The following DNAJC5B variants were observed in gnomAD, a reference collection of about 807,000 sequenced individuals.
DNAJC5B encodes dnaJ homolog subfamily C member 5B.
DNAJC5B carries 23 observed loss-of-function variants against 24.7 expected under a neutral mutation model. The observed-to-expected ratio is 0.93, with a 90% CI of 0.67 to 1.32. The LOEUF (loss-of-function observed/expected upper bound fraction) is 1.32, where lower values mean the gene tolerates loss of function less well. DNAJC5B is among the 40% of genes most tolerant of loss of function. The pLI, the probability that DNAJC5B is intolerant of heterozygous loss-of-function variation, is 0.00. For synonymous variants in DNAJC5B, 101 were observed against 90.1 expected, an observed-to-expected ratio of 1.12 and a Z score of -0.68; for missense variants, 238 against 240.8, an observed-to-expected ratio of 0.99 and a Z score of 0.08.
At chr8:66,050,692 C>T (rs898001716) in intron 2 of DNAJC5B, among the ~76,000 whole-genome samples, 2 of 152,176 alleles carry the variant, frequency 1.3e-5, no homozygotes, top group African/African-American at 2.4e-5. Flanking sequence ...AAAAGCTAAA[C>T]GGCTAATAGG....
Position 66,033,997 on chromosome 8 carries a change from C to A in DNAJC5B, c.-141-9491C>A, listed in dbSNP as rs998204225. ...AGAATTGGGAGACCCATGTTCCTAC[C>A]CTTGCTCCGTTAATAACTGTCTGAT... On this transcript the variant is annotated intron_variant, in intron 1 of 5. Coordinates refer to ENST00000276570, the MANE Select transcript of DNAJC5B (RefSeq NM_033105.6). 2.0e-4 allele frequency among the ~76,000 whole-genome samples: 30 copies of A among 152,064 alleles called. No individual in the cohort carries two copies. In the East Asian group the frequency reaches 5.0e-3, roughly 25 times the overall value.
chr8:66,082,342 C>T (rs1807614660), intron 5 of DNAJC5B, among the ~76,000 whole-genome samples: 1 of 152,048 alleles, frequency 6.6e-6, no homozygotes, highest in Admixed American at 6.5e-5. Context: ...ACCTAGATAT[C>T]CCCAATCCAG....
chr8:66,096,924 C>T (rs1040392988), intron 5 of DNAJC5B, among the ~76,000 whole-genome samples: 1 of 152,096 alleles, frequency 6.6e-6, no homozygotes, highest in African/African-American at 2.4e-5. Flanking sequence ...AGAGAACAGA[C>T]CTCTGAGAAA....
intron 5 of DNAJC5B, among the ~76,000 whole-genome samples, chr8:66,090,187 A>G (rs974120116): frequency 6.6e-6 from 1 of 151,906 alleles, no homozygotes; most frequent in Non-Finnish European, 1.5e-5. Context: ...TTTACAGACC[A>G]TCTTGAGAGA....
rs765749597 is a variant in DNAJC5B, at chr8:66,083,003, C to CTTTT, written c.505+2476_505+2479dup. ...ATTTTGTAATATTTTCTTTTCTTTT[C>CTTTT]TTTTTTTTTTTTTTTTTTTTTTTTG... On this transcript the variant is annotated intron_variant, in intron 5 of 5. Coordinates refer to ENST00000276570, the MANE Select transcript of DNAJC5B (RefSeq NM_033105.6). 3.7e-3 allele frequency among the ~76,000 whole-genome samples: 319 copies of CTTTT among 86,730 alleles called. 3 individuals carry two copies. The highest frequency in any genetic ancestry group is 4.5e-3 in the Non-Finnish European group (207 of 45,852). The allele number at this position is 86,730 out of a possible 152,430, so 56.9% of individuals were successfully genotyped here. A position where few individuals can be genotyped will look rare whatever the true frequency, so the allele number is the denominator to read the frequency against.
chr8:66,069,879 T>C (rs1434473631), intron 3 of DNAJC5B, among the ~76,000 whole-genome samples: 1 of 152,210 alleles, frequency 6.6e-6, no homozygotes, highest in Non-Finnish European at 1.5e-5. Context: ...GTTGGCTTCA[T>C]CCCTAGGATG....
At chr8:66,073,017 T>TG (rs1379992484) in intron 3 of DNAJC5B, among the ~76,000 whole-genome samples, 2 of 151,552 alleles carry the variant, frequency 1.3e-5, no homozygotes, top group African/African-American at 2.4e-5. Context: ...GTACTTGGGG[T>TG]GGGGGGTCTT....
In DNAJC5B at chr8:66,100,009, G is replaced by A. The variant is rs149881668; in HGVS notation, c.578G>A (p.Arg193Gln). 23 of 1,613,898 alleles carry A rather than the reference G, an allele frequency of 1.4e-5. No homozygotes were observed. Among genetic ancestry groups the A allele is most frequent in the East Asian group, 8.9e-5 (4 of 44,878 alleles). ...EKTQLIKEGS[R>Q]SYCTDS ...ACACAGCTAATCAAAGAAGGATCTC[G>A]AAGTTATTGCACAGACTCTTGATAT... Residue 193 changes from arginine to glutamine, a missense_variant, in exon 6 of 6, where the codon CGA becomes CAA. Arg to Gln is a conservative substitution (Grantham distance 43). Coordinates refer to ENST00000276570, the MANE Select transcript of DNAJC5B (RefSeq NM_033105.6).
the DNAJC5B span, among the ~76,000 whole-genome samples, chr8:66,015,569 GAGAGAC>G: frequency 6.6e-6 from 1 of 151,962 alleles, no homozygotes; most frequent in East Asian, 1.9e-4. Flanking sequence ...GAGAGAGAGA[GAGAGAC>G]AGAGACAGAG....
At position 66,024,404 on chromosome 8, in the gene DNAJC5B, C is replaced by CTTT. The variant is rs989285742; in HGVS notation, c.-142+2714_-142+2716dup. Among the ~76,000 whole-genome samples, 38 of 109,376 alleles carry CTTT rather than the reference C, an allele frequency of 3.5e-4. No homozygotes were observed. In the South Asian group the frequency reaches 5.8e-3, roughly 17 times the overall value. The allele number at this position is 109,376 out of a possible 152,430, so 71.8% of individuals were successfully genotyped here. A position where few individuals can be genotyped will look rare whatever the true frequency, so the allele number is the denominator to read the frequency against. Reference sequence around the variant, plus strand: ...TAAAAGAAGTTTTAGTTTCAGGATTCTTTTTTTTTTTTTTTTTAATGTTTT... The same window carrying CTTT: ...TAAAAGAAGTTTTAGTTTCAGGATTCTTTTTTTTTTTTTTTTTTTTAATGTTTT... On this transcript the variant is annotated intron_variant, in intron 1 of 5. Transcript: ENST00000276570.
chr8:66,032,662 G>A (rs1806384270), intron 1 of DNAJC5B, among the ~76,000 whole-genome samples: 1 of 152,098 alleles, frequency 6.6e-6, no homozygotes, highest in South Asian at 2.1e-4. Context: ...CTCAAAATCT[G>A]CCCATCAAAA....
intron 1 of DNAJC5B, among the ~76,000 whole-genome samples, chr8:66,028,583 T>C (rs1344003877): frequency 9.3e-6 from 1 of 107,980 alleles, no homozygotes; most frequent in Non-Finnish European, 1.7e-5. Flanking sequence ...CCTCACCATA[T>C]TCCCAGTTTC....
intron 5 of DNAJC5B, 45 bp from the exon 6 acceptor site, chr8:66,099,892 G>A: frequency 6.4e-7 from 1 of 1,556,500 alleles, no homozygotes; most frequent in Admixed American, 1.7e-5. Flanking sequence ...TAAAAGAACT[G>A]TAACATGATG....
intron 1 of DNAJC5B, among the ~76,000 whole-genome samples, chr8:66,030,865 G>C (rs1806345167): frequency 6.6e-6 from 1 of 152,108 alleles, no homozygotes; most frequent in African/African-American, 2.4e-5. Context: ...TTGAACTCCT[G>C]ACCTCAAGAG....
At chr8:66,037,491 C>T (rs1361292108) in intron 1 of DNAJC5B, among the ~76,000 whole-genome samples, 2 of 152,104 alleles carry the variant, frequency 1.3e-5, no homozygotes, top group Admixed American at 6.5e-5. Context: ...ATGCTACCAG[C>T]ACCATCTCCT....
intron 3 of DNAJC5B, among the ~76,000 whole-genome samples, chr8:66,054,457 T>C (rs949849811): frequency 2.0e-5 from 3 of 152,228 alleles, no homozygotes; most frequent in Non-Finnish European, 4.4e-5. Context: ...GCATAAGGAA[T>C]GAGGTAGAAT....
chr8:66,074,717 C>T (rs1807424131), intron 3 of DNAJC5B, among the ~76,000 whole-genome samples: 1 of 152,194 alleles, frequency 6.6e-6, no homozygotes, highest in South Asian at 2.1e-4. Context: ...TGTTTCCTTG[C>T]TCTATGGACA....
Position 66,100,052 on chromosome 8 carries a change from C to T in DNAJC5B, c.*21C>T, listed in dbSNP as rs768456797. 19 of 1,603,808 alleles carry T rather than the reference C, an allele frequency of 1.2e-5. No individual in the cohort carries two copies. In the African/African-American group the frequency reaches 2.4e-4, roughly 20 times the overall value. ...CTTGATATTGAGCCCTCAGAGAGTC[C>T]ACAGTCCCTCCTCTCAGTTCAGTCT... On this transcript the variant is annotated 3_prime_UTR_variant, in exon 6 of 6. Coordinates refer to ENST00000276570, the MANE Select transcript of DNAJC5B (RefSeq NM_033105.6).
chr8:66,026,970 C>T (rs142200628), intron 1 of DNAJC5B, among the ~76,000 whole-genome samples: 104 of 152,270 alleles, frequency 6.8e-4, no homozygotes, highest in African/African-American at 2.4e-3. Context: ...GGTACAAGTG[C>T]AATTTTTAAA....
Sources: allele counts gnomAD v4.1 joint callset (sites outside exome capture counted in the v4.1 genomes callset), GRCh38; gene constraint gnomAD v4.1.1; transcripts MANE v1.5; gene names NCBI Gene and HGNC (gene_info 2026-07-23, HGNC 2026-07-21).